GALNT4: variants seen among roughly 807,000 people sequenced by gnomAD.
GALNT4 encodes the protein UDP-GalNAc:polypeptide N-acetylgalactosaminyltransferase 4.
A neutral mutation model predicts 45.1 loss-of-function variants in GALNT4; 23 were observed. That is an observed-to-expected ratio of 0.51 (90% CI 0.37 to 0.72). The LOEUF is 0.72. Among genes scored for constraint, GALNT4 ranks in the 30% least tolerant of loss-of-function variants. The pLI is 0.00. For missense variants in GALNT4, 757 were observed against 709.0 expected, an observed-to-expected ratio of 1.07 and a Z score of -0.77; for synonymous variants, 264 against 257.6, an observed-to-expected ratio of 1.02 and a Z score of -0.24.
At position 89,522,717 on chromosome 12, in the gene GALNT4, T is replaced by A; in HGVS notation, c.*96A>T. 1 of 1,478,382 alleles carries A rather than the reference T, an allele frequency of 6.8e-7. No individual in the cohort carries two copies. The highest frequency in any genetic ancestry group is 9.0e-7 in the Non-Finnish European group (1 of 1,112,286). 91.6% of individuals were successfully genotyped at this position (1,478,382 alleles called of 1,614,324 possible). On this transcript the variant is annotated 3_prime_UTR_variant, in exon 1 of 1. Coordinates refer to ENST00000529983, the MANE Select transcript of GALNT4 (RefSeq NM_003774.5). Reference sequence around the variant, plus strand: ...GCTCCACAGATGACTGCTAGGTGGCTTTTGATAAAATAAAATACAATCTTC... The same window carrying A: ...GCTCCACAGATGACTGCTAGGTGGCATTTGATAAAATAAAATACAATCTTC...
rs1001588898 is a variant in GALNT4, at chr12:89,523,387, T to C, written c.1163A>G (p.Asp388Gly). Residue 388 changes from aspartate (D) to glycine (G), a missense_variant, in exon 1 of 1, where the codon GAT becomes GGT. Physicochemically the swap from Asp to Gly is moderately conservative, Grantham distance 94. Transcript: ENST00000529983. ...NTARAAEVWM[D>G]EYKEHFYNRN... ...ATTGTAGAAGTGCTCTTTGTATTCA[T>C]CCATCCAAACTTCTGCTGCCCGAGC... is the stretch of plus-strand genomic sequence containing the variant. 6.2e-7 allele frequency: 1 copy of C among 1,614,080 alleles called. No individual in the cohort carries two copies. Among genetic ancestry groups the C allele is most frequent in the Non-Finnish European group, 8.5e-7 (1 of 1,179,900 alleles).
chr12:89,523,333 T>G lies in GALNT4; in HGVS notation c.1217A>C (p.Tyr406Ser), dbSNP rs1178068355. 6.2e-7 allele frequency: 1 copy of G among 1,614,066 alleles called. No homozygotes were observed. The highest frequency in any genetic ancestry group is 2.2e-5 in the East Asian group (1 of 44,882). Reference sequence around the variant, plus strand: ...TAATTTTCTTTCAGAAATATCACCATAAGCTTCTTTTCTTGCTGGAGGGTT... The same window carrying G: ...TAATTTTCTTTCAGAAATATCACCAGAAGCTTCTTTTCTTGCTGGAGGGTT... ...NRNPPARKEA[Y>S]GDISERKLLR... The change falls in exon 1 of 1, where the codon TAT (tyrosine) becomes TCT (serine). Residue 406 changes from tyrosine to serine, a missense_variant. Transcript: ENST00000529983.
Position 89,522,748 on chromosome 12 carries a change from G to A in GALNT4, c.*65C>T, listed in dbSNP as rs959928177. 2.7e-6 allele frequency: 4 copies of A among 1,504,638 alleles called. No individual in the cohort carries two copies. The African/African-American group carries it at 5.6e-5, about 21-fold the overall frequency. 93.2% of individuals were successfully genotyped at this position (1,504,638 alleles called of 1,614,324 possible). ...TAAAATAAAATACAATCTTCACTGA[G>A]GCTCTTAAGGCTCTTTGACTTTCTT... On this transcript the variant is annotated 3_prime_UTR_variant, in exon 1 of 1. Transcript: ENST00000529983.
chr12:89,522,168 A>C lies in GALNT4; in HGVS notation c.*645T>G. Reference sequence around the variant, plus strand: ...CAAGTTTACAAAGTACGGAATGTAAATATCTCCCCATTTCATTTAAATATG... The same window carrying C: ...CAAGTTTACAAAGTACGGAATGTAACTATCTCCCCATTTCATTTAAATATG... On this transcript the variant is annotated 3_prime_UTR_variant, in exon 1 of 1. Coordinates refer to ENST00000529983, the MANE Select transcript of GALNT4 (RefSeq NM_003774.5). 1 of 398,848 alleles carries C rather than the reference A, an allele frequency of 2.5e-6. No individual in the cohort carries two copies. The highest frequency in any genetic ancestry group is 4.4e-6 in the Non-Finnish European group (1 of 226,046). 24.7% of individuals were successfully genotyped at this position (398,848 alleles called of 1,614,324 possible).
Position 89,524,071 on chromosome 12 carries a change from T to C in GALNT4, c.479A>G (p.Glu160Gly). The C allele has an allele frequency of 6.2e-7, 1 of 1,613,818 alleles. No individual in the cohort carries two copies. Among genetic ancestry groups the C allele is most frequent in the South Asian group, 1.1e-5 (1 of 91,050 alleles). ...TLLRTIHSVL[E>G]TSPAVLLKEI... is the part of the protein sequence containing the mutation. The stretch of plus-strand genomic sequence containing the variant: ...TTTCAAAAGAACTGCAGGAGAAGTT[T>C]CTAAAACACTGTGAATGGTACGGAG... Residue 160 changes from glutamate (E) to glycine (G), a missense_variant, in exon 1 of 1, where the codon GAA becomes GGA. Glu to Gly is a moderately conservative substitution (Grantham distance 98). Coordinates refer to ENST00000529983, the MANE Select transcript of GALNT4 (RefSeq NM_003774.5).
In GALNT4 at chr12:89,523,526, A is replaced by C; in HGVS notation, c.1024T>G (p.Ser342Ala). Reference sequence around the variant, plus strand: ...CCACCACACTGCCACACCCTAAAAGACAGCTCAAGGTTTTCACCTCCCCAC... The same window carrying C: ...CCACCACACTGCCACACCCTAAAAGCCAGCTCAAGGTTTTCACCTCCCCAC... The part of the protein sequence containing the change: ...EVWGGENLEL[S>A]FRVWQCGGKL... The change falls in exon 1 of 1, where the codon TCT (serine) becomes GCT (alanine). Residue 342 changes from serine (S) to alanine (A), a missense_variant. Coordinates refer to ENST00000529983, the MANE Select transcript of GALNT4 (RefSeq NM_003774.5). The C allele has an allele frequency of 6.2e-7, 1 of 1,607,384 alleles. No homozygotes were observed. Among genetic ancestry groups the C allele is most frequent in the Non-Finnish European group, 8.5e-7 (1 of 1,177,290 alleles).
At position 89,523,403 on chromosome 12, in the gene GALNT4, C is replaced by A; in HGVS notation, c.1147G>T (p.Ala383Ser). The A allele has an allele frequency of 3.1e-6, 5 of 1,614,046 alleles. No individual in the cohort carries two copies. Among genetic ancestry groups the A allele is most frequent in the Non-Finnish European group, 4.2e-6 (5 of 1,179,890 alleles). ...PNFLQNTARAAEVWMDEYKEH... is the reference protein window; with the variant it reads ...PNFLQNTARASEVWMDEYKEH... ...TTGTATTCATCCATCCAAACTTCTG[C>A]TGCCCGAGCAGTATTCTGTAGGAAA... is the stretch of plus-strand genomic sequence containing the variant. The change falls in exon 1 of 1, where the codon GCA becomes TCA. Residue 383 changes from alanine to serine, a missense_variant. Coordinates refer to ENST00000529983, the MANE Select transcript of GALNT4 (RefSeq NM_003774.5).
In GALNT4 at chr12:89,522,783, G is replaced by C. The variant is rs768622198; in HGVS notation, c.*30C>G. ...GCTCTTTGACTTTCTTGACACTACT[G>C]TCAGCTCATGACGAAAGTGCTGTTG... On this transcript the variant is annotated 3_prime_UTR_variant, in exon 1 of 1. Transcript: ENST00000529983. The C allele has an allele frequency of 6.5e-7, 1 of 1,535,492 alleles. No individual in the cohort carries two copies. Among genetic ancestry groups the C allele is most frequent in the East Asian group, 2.3e-5 (1 of 44,280 alleles).
chr12:89,522,972 T>C lies in GALNT4; in HGVS notation c.1578A>G (p.Pro526=), dbSNP rs764761001. Residue 526 remains proline, a synonymous_variant, in exon 1 of 1, where the codon CCA becomes CCG. Transcript: ENST00000529983. ...CTTTAAAATGCCAAATAATGTTTGCTGGTACAGGGAACCCATCTTTGGGAC... is the reference window on the plus strand; with the variant it reads ...CTTTAAAATGCCAAATAATGTTTGCCGGTACAGGGAACCCATCTTTGGGAC... The part of the protein sequence containing the change: ...QNCPKDGFPV[P]ANIIWHFKED... 1 of 1,614,072 alleles carries C rather than the reference T, an allele frequency of 6.2e-7. No homozygotes were observed. The highest frequency in any genetic ancestry group is 1.7e-5 in the Admixed American group (1 of 60,034).
In GALNT4 at chr12:89,524,788, C is replaced by G. The variant is rs1167636139; in HGVS notation, c.-239G>C. 2 of 623,044 alleles carry G rather than the reference C, an allele frequency of 3.2e-6. No homozygotes were observed. The highest frequency in any genetic ancestry group is 3.7e-5 in the African/African-American group (2 of 54,184). 38.6% of individuals were successfully genotyped at this position (623,044 alleles called of 1,614,324 possible). On this transcript the variant is annotated 5_prime_UTR_variant, in exon 1 of 1. Transcript: ENST00000529983. ...TCCTCCTGCTCGGCTCACAACTTTT[C>G]ACAAACTCTCCAGCCAACACCCCAC...
rs777348158 is a variant in GALNT4 at position 89,519,996 on chromosome 12, C to A, written c.*2817G>T. The A allele has an allele frequency of 4.6e-5, 7 of 152,060 alleles. No individual in the cohort carries two copies. Among genetic ancestry groups the A allele is most frequent in the Non-Finnish European group, 1.0e-4 (7 of 67,998 alleles). 9.4% of individuals were successfully genotyped at this position (152,060 alleles called of 1,614,324 possible). On this transcript the variant is annotated 3_prime_UTR_variant, in exon 1 of 1. Transcript: ENST00000529983. ...CTATAGCCAAAGAGAGCTTTGGTACCAATAAATTCGAATTAGGGAATCGGT... is the reference window on the plus strand; with the variant it reads ...CTATAGCCAAAGAGAGCTTTGGTACAAATAAATTCGAATTAGGGAATCGGT...
Position 89,523,978 on chromosome 12 carries a change from C to T in GALNT4, c.572G>A (p.Ser191Asn). Residue 191 changes from serine to asparagine, a missense_variant, in exon 1 of 1, where the codon AGC (serine) becomes AAC (asparagine). Ser to Asn is a conservative substitution (Grantham distance 46). Transcript: ENST00000529983. ...AATCAAGCGTACTCTATCAAGATTG[C>T]TGATGTAAGTTTCAAGTTGTGTCTT... is the stretch of plus-strand genomic sequence containing the variant. ...YLKTQLETYISNLDRVRLIRT... is the reference protein window; with the variant it reads ...YLKTQLETYINNLDRVRLIRT... 1 of 1,613,858 alleles carries T rather than the reference C, an allele frequency of 6.2e-7. No individual in the cohort carries two copies. The highest frequency in any genetic ancestry group is 2.2e-5 in the East Asian group (1 of 44,888).
chr12:89,523,188 C>A lies in GALNT4; in HGVS notation c.1362G>T (p.Ser454=), dbSNP rs372635919. Residue 454 remains serine (S), a synonymous_variant, in exon 1 of 1, where the codon TCG becomes TCT. Transcript: ENST00000529983. The part of the protein sequence containing the change: ...WHGAIRSRGI[S]SECLDYNSPD... ...GAGAATTATAATCTAAACATTCAGA[C>A]GAGATCCCTCTACTGCGAATAGCCC... is the stretch of plus-strand genomic sequence containing the variant. 6.2e-7 allele frequency: 1 copy of A among 1,613,694 alleles called. No homozygotes were observed. The highest frequency in any genetic ancestry group is 2.2e-5 in the East Asian group (1 of 44,898).
rs1327635710 is a variant in GALNT4, at chr12:89,520,744, A to G, written c.*2069T>C. Reference sequence around the variant, plus strand: ...AAAATTCCTACTCTCCAAGTCATCAAGTGAACACTAAAAGCAACTTTACTC... The same window carrying G: ...AAAATTCCTACTCTCCAAGTCATCAGGTGAACACTAAAAGCAACTTTACTC... On this transcript the variant is annotated 3_prime_UTR_variant, in exon 1 of 1. Transcript: ENST00000529983. The G allele has an allele frequency of 6.6e-6, 1 of 152,228 alleles. No individual in the cohort carries two copies. The highest frequency in any genetic ancestry group is 2.4e-5 in the African/African-American group (1 of 41,466). 9.4% of individuals were successfully genotyped at this position (152,228 alleles called of 1,614,324 possible).
rs758937502 is a variant in GALNT4, at chr12:89,523,758, A to T, written c.792T>A (p.Phe264Leu). The T allele has an allele frequency of 6.5e-7, 1 of 1,541,336 alleles. No individual in the cohort carries two copies. ...GCTCCCCTATCTGCATATAGAATTC[A>T]AAAGTATTCCAATCAATTGTGTCTA... ...PVIDTIDWNT[F>L]EFYMQIGEPM... The change falls in exon 1 of 1, where the codon TTT becomes TTA. Residue 264 changes from phenylalanine to leucine, a missense_variant. Coordinates refer to ENST00000529983, the MANE Select transcript of GALNT4 (RefSeq NM_003774.5).
chr12:89,520,080 TGAA>T lies in GALNT4; in HGVS notation c.*2730_*2732del, dbSNP rs953125673. 2.0e-5 allele frequency: 3 copies of T among 152,162 alleles called. No homozygotes were observed. Among genetic ancestry groups the T allele is most frequent in the African/African-American group, 7.2e-5 (3 of 41,456 alleles). 9.4% of individuals were successfully genotyped at this position (152,162 alleles called of 1,614,324 possible). On this transcript the variant is annotated 3_prime_UTR_variant, in exon 1 of 1. Coordinates refer to ENST00000529983, the MANE Select transcript of GALNT4 (RefSeq NM_003774.5). The stretch of plus-strand genomic sequence containing the variant: ...AATTAAATTGGAACGTGCCTAAATA[TGAA>T]AATGTGAAAGTCCCACTTTTCTGTT...
chr12:89,520,325 C>T lies in GALNT4; in HGVS notation c.*2488G>A, dbSNP rs918386735. 2.1e-4 allele frequency: 32 copies of T among 151,994 alleles called. No individual in the cohort carries two copies. Among genetic ancestry groups the T allele is most frequent in the Admixed American group, 6.6e-4 (10 of 15,248 alleles). The allele number at this position is 151,994 out of a possible 1,614,324, so 9.4% of individuals were successfully genotyped here. The stretch of plus-strand genomic sequence containing the variant: ...TAAAATAAAAATAATGTAATAAGTA[C>T]TTTCAAAATATAACAATTTTCGTTC... On this transcript the variant is annotated 3_prime_UTR_variant, in exon 1 of 1. Transcript: ENST00000529983.
At position 89,522,672 on chromosome 12, in the gene GALNT4, A is replaced by G. The variant is rs1440702978; in HGVS notation, c.*141T>C. ...CCCAGTTTCAGTGTGATATACCAAAATGAACCCCAGCTTTCCAGTGCTCCA... is the reference window on the plus strand; with the variant it reads ...CCCAGTTTCAGTGTGATATACCAAAGTGAACCCCAGCTTTCCAGTGCTCCA... On this transcript the variant is annotated 3_prime_UTR_variant, in exon 1 of 1. Transcript: ENST00000529983. The G allele has an allele frequency of 8.9e-7, 1 of 1,124,062 alleles. No individual in the cohort carries two copies. Among genetic ancestry groups the G allele is most frequent in the Non-Finnish European group, 1.2e-6 (1 of 831,412 alleles). The allele number at this position is 1,124,062 out of a possible 1,614,324, so 69.6% of individuals were successfully genotyped here. A position where few individuals can be genotyped will look rare whatever the true frequency, so the allele number is the denominator to read the frequency against.
chr12:89,522,209 TA>T lies in GALNT4; in HGVS notation c.*603del. The T allele has an allele frequency of 2.5e-6, 1 of 398,642 alleles. No homozygotes were observed. Among genetic ancestry groups the T allele is most frequent in the South Asian group, 1.3e-4 (1 of 7,860 alleles). The allele number at this position is 398,642 out of a possible 1,614,324, so 24.7% of individuals were successfully genotyped here. A position where few individuals can be genotyped will look rare whatever the true frequency, so the allele number is the denominator to read the frequency against. On this transcript the variant is annotated 3_prime_UTR_variant, in exon 1 of 1. Coordinates refer to ENST00000529983, the MANE Select transcript of GALNT4 (RefSeq NM_003774.5). ...TTTAAATATGGGTATGTCTGCATGT[TA>T]AAAAGGCCTCCAAACTCACACTCAA...
Sources: gnomAD v4.1 joint callset for allele counts on GRCh38, gnomAD v4.1.1 for gene constraint, MANE v1.5 for transcripts, NCBI Gene and HGNC (gene_info 2026-07-23, HGNC 2026-07-21) for gene names.